Variants in ZPLD1 observed in about 807,000 individuals in gnomAD.
ZPLD1 encodes the protein zona pellucida like domain containing 1.
Under a neutral mutation model 47.2 loss-of-function variants are expected in ZPLD1, and 34 were observed. That is an observed-to-expected ratio of 0.72 (90% CI 0.55 to 0.96). The LOEUF (loss-of-function observed/expected upper bound fraction) is 0.96. ZPLD1 is among the 40% of genes least tolerant of loss of function. The pLI is 0.00. For synonymous variants in ZPLD1, 176 were observed against 186.2 expected (o/e 0.95, Z 0.45); for missense variants, 512 against 505.8 (o/e 1.01, Z -0.12).
chr3:102,398,979 A>C (rs1706589231), intron 7 of ZPLD1, among the ~76,000 whole-genome samples: 1 of 152,198 alleles, frequency 6.6e-6, no homozygotes, highest in South Asian at 2.1e-4. Context: ...AGATGGAACA[A>C]TAAAATTCAC....
At chr3:102,469,163 G>T (rs2107353726) in intron 9 of ZPLD1, 28 bp downstream of exon 9, 1 of 1,595,324 alleles carries the variant, frequency 6.3e-7, no homozygotes, top group East Asian at 2.2e-5. Flanking sequence ...TTCATTTTAA[G>T]TTGTTGAATT....
At chr3:102,420,649 C>T (rs1013275765) in intron 8 of ZPLD1, among the ~76,000 whole-genome samples, 13 of 151,718 alleles carry the variant, frequency 8.6e-5, no homozygotes, top group African/African-American at 2.9e-4. Context: ...ATTTTTAGCA[C>T]GTGGACCATA....
intron 11 of ZPLD1, 70 bp downstream of exon 11, chr3:102,477,111 T>A: frequency 6.5e-7 from 1 of 1,541,934 alleles, no homozygotes; most frequent in South Asian, 1.1e-5. Flanking sequence ...TGTAATCATC[T>A]AAGTGTAATG....
At position 102,452,925 on chromosome 3, in the gene ZPLD1, G is replaced by A; in HGVS notation, c.113G>A (p.Arg38Lys). The A allele has an allele frequency of 6.2e-7, 1 of 1,613,278 alleles. No individual in the cohort carries two copies. Among genetic ancestry groups the A allele is most frequent in the Non-Finnish European group, 8.5e-7 (1 of 1,179,432 alleles). The change falls in exon 4 of 12, where the codon AGA (arginine) becomes AAA (lysine). Residue 38 changes from arginine to lysine, a missense_variant. Coordinates refer to ENST00000466937, the MANE Select transcript of ZPLD1 (RefSeq NM_001329788.2). ...TTATATATTTTTATTTCAGCTGAAA[G>A]AGACATCAGTGTCTATTGTGGAGTG... ...ANLHSRFPAE[R>K]DISVYCGVQA... is the part of the protein sequence containing the mutation.
chr3:102,450,368 T>A (rs182267420), intron 3 of ZPLD1, among the ~76,000 whole-genome samples: 20 of 152,312 alleles, frequency 1.3e-4, no homozygotes, highest in Admixed American at 1.0e-3. Flanking sequence ...ATTTTTATCT[T>A]TCCCCCAATT....
chr3:102,412,959 A>G (rs1038087276), intron 7 of ZPLD1, among the ~76,000 whole-genome samples: 1 of 151,738 alleles, frequency 6.6e-6, no homozygotes, highest in African/African-American at 2.4e-5. Context: ...TCATTATTCA[A>G]ATGATTTTTG....
intron 10 of ZPLD1, among the ~76,000 whole-genome samples, chr3:102,470,782 T>C (rs939452835): frequency 1.3e-5 from 2 of 151,788 alleles, no homozygotes; most frequent in African/African-American, 4.8e-5. Flanking sequence ...ACCTGTTTTA[T>C]TTATTTATTT....
At chr3:102,436,579 G>A (rs1226098794) in intron 1 of ZPLD1, among the ~76,000 whole-genome samples, 2 of 152,122 alleles carry the variant, frequency 1.3e-5, no homozygotes, top group Non-Finnish European at 2.9e-5. Context: ...AAGACTTAGG[G>A]TTGAATTCTA....
intron 7 of ZPLD1, among the ~76,000 whole-genome samples, chr3:102,406,955 A>T (rs929869204): frequency 6.6e-6 from 1 of 151,884 alleles, no homozygotes; most frequent in Admixed American, 6.6e-5. Flanking sequence ...CTTCAACAAA[A>T]TGAAAGTTAT....
chr3:102,423,964 T>G (rs761211900), intron 8 of ZPLD1, among the ~76,000 whole-genome samples: 1 of 152,128 alleles, frequency 6.6e-6, no homozygotes, highest in South Asian at 2.1e-4. Flanking sequence ...GAAATGGGGG[T>G]TTTCTTACTA....
chr3:102,416,374 T>G (rs184690623), intron 7 of ZPLD1, among the ~76,000 whole-genome samples: 1 of 152,096 alleles, frequency 6.6e-6, no homozygotes, highest in Non-Finnish European at 1.5e-5. Context: ...GCTACTGATT[T>G]TTTCTATAAA....
chr3:102,470,200 A>G (rs991343544), intron 9 of ZPLD1, among the ~76,000 whole-genome samples, 194 bp from the exon 10 acceptor site: 2 of 152,212 alleles, frequency 1.3e-5, no homozygotes, highest in South Asian at 2.1e-4. Context: ...GCGGGAGGAA[A>G]TAAGAAATGT....
At chr3:102,471,152 T>C (rs960309351) in intron 10 of ZPLD1, among the ~76,000 whole-genome samples, 2 of 152,160 alleles carry the variant, frequency 1.3e-5, no homozygotes, top group African/African-American at 4.8e-5. Context: ...GACTACTAAT[T>C]TGAGTGCGCT....
At chr3:102,429,184 C>T (rs940824251) in intron 8 of ZPLD1, among the ~76,000 whole-genome samples, 3 of 152,168 alleles carry the variant, frequency 2.0e-5, no homozygotes, top group Non-Finnish European at 4.4e-5. Context: ...CCACACAACT[C>T]ATCTAACTCA....
chr3:102,430,332 C>T (rs143051686), upstream of ZPLD1, among the ~76,000 whole-genome samples: 387 of 152,314 alleles, frequency 2.5e-3, 3 homozygotes, highest in Middle Eastern at 3.4e-3. Flanking sequence ...CTGACACCTG[C>T]CATCTAAATT....
chr3:102,438,882 CT>C (rs1243977550), intron 3 of ZPLD1, among the ~76,000 whole-genome samples: 2 of 152,070 alleles, frequency 1.3e-5, no homozygotes, highest in East Asian at 1.9e-4. Flanking sequence ...AAATTTGTGT[CT>C]TTTTTTCTCA....
intron 7 of ZPLD1, among the ~76,000 whole-genome samples, chr3:102,402,844 C>T (rs955805305): frequency 6.6e-6 from 1 of 151,894 alleles, no homozygotes; most frequent in African/African-American, 2.4e-5. Context: ...TAATCATGGT[C>T]CTTATATCGA....
rs764415767 is a variant in ZPLD1, at chr3:102,469,005, G to A, written c.803G>A (p.Arg268Gln). 3 of 1,613,874 alleles carry A rather than the reference G, an allele frequency of 1.9e-6. No individual in the cohort carries two copies. Among genetic ancestry groups the A allele is most frequent in the South Asian group, 1.1e-5 (1 of 91,046 alleles). The change falls in exon 9 of 12, where the codon CGA becomes CAA. Residue 268 changes from arginine (R) to glutamine (Q), a missense_variant. By Grantham distance (43) the Arg-to-Gln change is conservative. Coordinates refer to ENST00000466937, the MANE Select transcript of ZPLD1 (RefSeq NM_001329788.2). ...CAGACCACCGTCATTGAGAATGGCC[G>A]AAGCCAGCGGGGCCGGTTTTCTTTT... ...DPQTTVIENGRSQRGRFSFEV... is the reference protein window; with the variant it reads ...DPQTTVIENGQSQRGRFSFEV...
intron 7 of ZPLD1, among the ~76,000 whole-genome samples, chr3:102,396,599 A>G (rs939045430): frequency 6.6e-6 from 1 of 152,126 alleles, no homozygotes. Context: ...TGTGAATAAT[A>G]GCTAATACAG....
Sources: gnomAD v4.1 joint callset for allele counts (sites outside exome capture counted in the v4.1 genomes callset) on GRCh38, gnomAD v4.1.1 for gene constraint, MANE v1.5 for transcripts, NCBI Gene and HGNC (gene_info 2026-07-23, HGNC 2026-07-21) for gene names.